TPGS2: variants seen among roughly 807,000 people sequenced by gnomAD.
TPGS2 encodes the protein tubulin polyglutamylase complex subunit 2, also known as polyglutamylase subunit 2.
Under a neutral mutation model 31.1 loss-of-function variants are expected in TPGS2, and 26 were observed. The observed-to-expected ratio is 0.84, with a 90% CI of 0.61 to 1.16. The LOEUF (loss-of-function observed/expected upper bound fraction) is 1.16, where lower values mean the gene tolerates loss of function less well. TPGS2 is among the 50% of genes most tolerant of loss of function. The probability of loss-of-function intolerance (pLI) is 0.00; values close to 1 mark genes in which losing one functional copy is unlikely to be tolerated. For missense variants in TPGS2, 351 were observed against 363.8 expected, an observed-to-expected ratio of 0.96 and a Z score of 0.29; for synonymous variants, 130 against 136.6, an observed-to-expected ratio of 0.95 and a Z score of 0.34.
downstream of TPGS2, chr18:36,789,340 G>A (rs1224842587): frequency 6.6e-6 from 1 of 152,142 alleles, no homozygotes; most frequent in Non-Finnish European, 1.5e-5. Flanking sequence ...AGGCTGCCTG[G>A]TGGAACGTTC....
chr18:36,800,634 C>T (rs1384007381), intron 4 of TPGS2, among the ~76,000 whole-genome samples: 1 of 152,026 alleles, frequency 6.6e-6, no homozygotes, highest in East Asian at 1.9e-4. Flanking sequence ...CATTTCCTTT[C>T]CTGAGATTGT....
At chr18:36,797,605 A>ATGTT (rs1404454805) in intron 6 of TPGS2, among the ~76,000 whole-genome samples, 1 of 149,910 alleles carries the variant, frequency 6.7e-6, no homozygotes, top group African/African-American at 2.5e-5. Context: ...GACCAGATAA[A>ATGTT]TGTTATAATT....
Position 36,800,200 on chromosome 18 carries a change from G to A in TPGS2, c.494C>T (p.Pro165Leu), listed in dbSNP as rs768991042. Residue 165 changes from proline to leucine, a missense_variant and splice_region_variant, in exon 5 of 7, where the codon CCA (proline) becomes CTA (leucine). Pro to Leu is a moderately conservative substitution (Grantham distance 98). Transcript: ENST00000334295. ...KVCLVYKSGK[P>L]ALAEDTEIWF... ...CCACGCTTGTAAACAATTCTTACCTGGTTTCCCACTTTTGTAGACAAGGCA... is the reference window on the plus strand; with the variant it reads ...CCACGCTTGTAAACAATTCTTACCTAGTTTCCCACTTTTGTAGACAAGGCA... 4 of 1,613,620 alleles carry A rather than the reference G, an allele frequency of 2.5e-6. No individual in the cohort carries two copies. Among genetic ancestry groups the A allele is most frequent in the Non-Finnish European group, 3.4e-6 (4 of 1,179,664 alleles).
rs1382454511 is a variant in TPGS2 at position 36,795,847 on chromosome 18, G to A, written c.*958C>T. 7 of 985,462 alleles carry A rather than the reference G, an allele frequency of 7.1e-6. No individual in the cohort carries two copies. Among genetic ancestry groups the A allele is most frequent in the African/African-American group, 1.7e-5 (1 of 57,366 alleles). The allele number at this position is 985,462 out of a possible 1,614,324, so 61.0% of individuals were successfully genotyped here. Reference sequence around the variant, plus strand: ...GACAACTCAGAGCTGTGAAGAGGCAGGCAGAGCAGGTGGAAAGCTTCTGTT... The same window carrying A: ...GACAACTCAGAGCTGTGAAGAGGCAAGCAGAGCAGGTGGAAAGCTTCTGTT... On this transcript the variant is annotated 3_prime_UTR_variant, in exon 7 of 7. Transcript: ENST00000334295.
At chr18:36,781,003 G>A (rs1274445935), downstream of TPGS2, among the ~76,000 whole-genome samples, 1 of 152,188 alleles carries the variant, frequency 6.6e-6, no homozygotes, top group African/African-American at 2.4e-5. Context: ...ACTGGTGATA[G>A]GAATTTTTCA....
At chr18:36,781,473 G>A (rs188392543), downstream of TPGS2, among the ~76,000 whole-genome samples, 1 of 152,256 alleles carries the variant, frequency 6.6e-6, no homozygotes, top group East Asian at 1.9e-4. Context: ...CCAACATGGT[G>A]AAACCCTGTC....
chr18:36,797,776 T>TG (rs1421332351), intron 6 of TPGS2, among the ~76,000 whole-genome samples: 3 of 151,826 alleles, frequency 2.0e-5, no homozygotes. Flanking sequence ...CAGCCACACT[T>TG]GGTGTTTTCA....
chr18:36,781,799 G>C (rs948636), downstream of TPGS2: 277,744 of 985,090 alleles, frequency 0.28, 40,870 homozygotes, highest in South Asian at 0.48. Context: ...CCCCACTTAC[G>C]GAGACAGGGA....
At position 36,794,286 on chromosome 18, in the gene TPGS2, T is replaced by C. The variant is rs904413066; in HGVS notation, c.*2519A>G. 1.3e-5 allele frequency: 13 copies of C among 985,476 alleles called. No homozygotes were observed. The highest frequency in any genetic ancestry group is 1.6e-5 in the Non-Finnish European group (13 of 829,932). 61.0% of individuals were successfully genotyped at this position (985,476 alleles called of 1,614,324 possible). On this transcript the variant is annotated 3_prime_UTR_variant, in exon 7 of 7. Coordinates refer to ENST00000334295, the MANE Select transcript of TPGS2 (RefSeq NM_015476.4). ...CCTCACATCTTCATTTTGTACTGGA[T>C]CCTGCACTGAGTGGAGTCAGTCCTG...
At chr18:36,820,970 C>A (rs1053245452) in intron 1 of TPGS2, 1 of 152,170 alleles carries the variant, frequency 6.6e-6, no homozygotes, top group African/African-American at 2.4e-5. Context: ...AAACTCACAT[C>A]TTTAGATATG....
intron 2 of TPGS2, among the ~76,000 whole-genome samples, chr18:36,809,426 T>G (rs2045316806): frequency 6.6e-6 from 1 of 152,228 alleles, no homozygotes; most frequent in African/African-American, 2.4e-5. Flanking sequence ...TTCTTTTATT[T>G]ATGAACTAAA....
intron 6 of TPGS2, chr18:36,783,221 T>G (rs564271274): frequency 2.6e-6 from 1 of 391,048 alleles, no homozygotes; most frequent in East Asian, 3.6e-5. Flanking sequence ...TTGTTTCCCC[T>G]CTCTTGATGC....
chr18:36,811,184 C>CA (rs2045409337), intron 2 of TPGS2, among the ~76,000 whole-genome samples: 1 of 152,214 alleles, frequency 6.6e-6, no homozygotes, highest in South Asian at 2.1e-4. Flanking sequence ...AAACTCTTCT[C>CA]AGGGAGGACA....
chr18:36,821,032 A>G (rs72885219), intron 1 of TPGS2: 1 of 152,098 alleles, frequency 6.6e-6, no homozygotes, highest in Non-Finnish European at 1.5e-5. Flanking sequence ...GGTGCTGTCA[A>G]TTCCTTCCTT....
rs147046573 is a variant in TPGS2 at position 36,811,448 on chromosome 18, G to A, written c.166-3514C>T. On this transcript the variant is annotated intron_variant, in intron 2 of 6. Coordinates refer to ENST00000334295, the MANE Select transcript of TPGS2 (RefSeq NM_015476.4). ...ACCATTAGTCTCCCTCTAAAAATAC[G>A]TGAAGAAAAAAATATATAAATATTG... is the stretch of plus-strand genomic sequence containing the variant. 2.4e-3 allele frequency among the ~76,000 whole-genome samples: 362 copies of A among 152,188 alleles called. 1 individual carries two copies. Among genetic ancestry groups the A allele is most frequent in the Non-Finnish European group, 2.6e-3 (178 of 68,010 alleles).
rs1308950978 is a variant in TPGS2 at position 36,795,500 on chromosome 18, C to G, written c.*1305G>C. The G allele has an allele frequency of 1.0e-6, 1 of 985,350 alleles. No homozygotes were observed. The highest frequency in any genetic ancestry group is 1.7e-5 in the African/African-American group (1 of 57,254). The allele number at this position is 985,350 out of a possible 1,614,324, so 61.0% of individuals were successfully genotyped here. A position where few individuals can be genotyped will look rare whatever the true frequency, so the allele number is the denominator to read the frequency against. On this transcript the variant is annotated 3_prime_UTR_variant, in exon 7 of 7. Transcript: ENST00000334295. Reference sequence around the variant, plus strand: ...TTGGGGCTAGGTGGGTGACTCCCCACTTTCCCTGTTGGGAAGCAGGGTGAA... The same window carrying G: ...TTGGGGCTAGGTGGGTGACTCCCCAGTTTCCCTGTTGGGAAGCAGGGTGAA...
chr18:36,780,072 A>C (rs1186373213), downstream of TPGS2: 5 of 1,116,216 alleles, frequency 4.5e-6, no homozygotes, highest in African/African-American at 8.1e-5. Flanking sequence ...AGAAACTTTT[A>C]TTCTTCTGGG....
chr18:36,813,543 C>A (rs1600811452), intron 2 of TPGS2, among the ~76,000 whole-genome samples: 1 of 152,232 alleles, frequency 6.6e-6, no homozygotes, highest in East Asian at 1.9e-4. Flanking sequence ...CACAGTCACA[C>A]ACATGCATTT....
In TPGS2 at chr18:36,794,913, T is replaced by TTAG. The variant is rs148470392; in HGVS notation, c.*1889_*1891dup. 507 of 983,912 alleles carry TTAG rather than the reference T, an allele frequency of 5.2e-4. 6 individuals are homozygous for TTAG. The Admixed American group carries it at 0.02, about 39-fold the overall frequency. 60.9% of individuals were successfully genotyped at this position (983,912 alleles called of 1,614,324 possible). On this transcript the variant is annotated 3_prime_UTR_variant, in exon 7 of 7. Transcript: ENST00000334295. ...AATGACCACACTGAATTATAAGTGG[T>TTAG]TAGTTTTGGGATTGAAAAGGTAAGA...
Sources: allele counts gnomAD v4.1 joint callset (sites outside exome capture counted in the v4.1 genomes callset), GRCh38; gene constraint gnomAD v4.1.1; transcripts MANE v1.5; gene names NCBI Gene and HGNC (gene_info 2026-07-23, HGNC 2026-07-21).